MYRIP: variants seen among roughly 807,000 people sequenced by gnomAD.
The protein encoded by MYRIP is myosin VIIA and Rab interacting protein.
Under a neutral mutation model 98.0 loss-of-function variants are expected in MYRIP, and 49 were observed. The observed-to-expected ratio is 0.50, with a 90% CI of 0.40 to 0.63. The LOEUF is 0.63. MYRIP is among the 30% of genes least tolerant of loss of function. The probability of loss-of-function intolerance (pLI) is 0.00; values close to 1 mark genes in which losing one functional copy is unlikely to be tolerated. For synonymous variants in MYRIP, 404 were observed against 409.5 expected, an observed-to-expected ratio of 0.99 and a Z score of 0.16; for missense variants, 1,004 against 1,058.2, an observed-to-expected ratio of 0.95 and a Z score of 0.71.
At chr3:39,819,354 A>G (rs1276612683) in intron 1 of MYRIP, among the ~76,000 whole-genome samples, 1 of 152,152 alleles carries the variant, frequency 6.6e-6, no homozygotes, top group Non-Finnish European at 1.5e-5. Flanking sequence ...ATCTTAAAAA[A>G]AAAAAATTAC....
chr3:40,131,922 G>A (rs1283998693), intron 3 of MYRIP, among the ~76,000 whole-genome samples: 3 of 150,660 alleles, frequency 2.0e-5, no homozygotes, highest in Non-Finnish European at 4.4e-5. Context: ...CTTCTACCTT[G>A]TGAGAAGGGC....
At chr3:39,853,218 C>T (rs1337398352) in intron 1 of MYRIP, among the ~76,000 whole-genome samples, 1 of 152,142 alleles carries the variant, frequency 6.6e-6, no homozygotes, top group East Asian at 1.9e-4. Context: ...TATAAACATG[C>T]ATATCAAGTG....
intron 2 of MYRIP, among the ~76,000 whole-genome samples, chr3:40,011,567 C>T (rs1946760170): frequency 6.6e-6 from 1 of 152,174 alleles, no homozygotes; most frequent in African/African-American, 2.4e-5. Flanking sequence ...ACTGTTTGCC[C>T]AAATCCATTG....
rs893503793 is a variant in MYRIP at position 40,040,236 on chromosome 3, C to G, written c.111-3814C>G. The stretch of plus-strand genomic sequence containing the variant: ...AAAAAACACATGAAGAAATGCTCAT[C>G]ATCACTGGCCATCAGAGAAATGCAA... On this transcript the variant is annotated intron_variant, in intron 2 of 16. Coordinates refer to ENST00000302541, the MANE Select transcript of MYRIP (RefSeq NM_015460.4). Among the ~76,000 whole-genome samples the G allele has an allele frequency of 1.1e-4, 16 of 151,918 alleles. 1 individual carries two copies. The highest frequency in any genetic ancestry group is 3.1e-4 in the African/African-American group (13 of 41,426).
intron 3 of MYRIP, among the ~76,000 whole-genome samples, chr3:40,127,192 A>G (rs1949541370): frequency 6.6e-6 from 1 of 152,232 alleles, no homozygotes; most frequent in Admixed American, 6.5e-5. Context: ...AAGATTAAAT[A>G]GCTACCATTT....
intron 2 of MYRIP, among the ~76,000 whole-genome samples, chr3:40,015,441 C>T (rs537909682): frequency 2.0e-5 from 3 of 152,212 alleles, no homozygotes; most frequent in Non-Finnish European, 4.4e-5. Flanking sequence ...ACTTCAGGCT[C>T]ACCTTTCACA....
At chr3:39,914,188 A>G (rs1183929776) in intron 2 of MYRIP, among the ~76,000 whole-genome samples, 1 of 152,164 alleles carries the variant, frequency 6.6e-6, no homozygotes, top group African/African-American at 2.4e-5. Flanking sequence ...TTACAGTACA[A>G]TATCTTTAAC....
chr3:40,224,824 A>G (rs1344133062), intron 11 of MYRIP, among the ~76,000 whole-genome samples: 1 of 152,186 alleles, frequency 6.6e-6, no homozygotes, highest in African/African-American at 2.4e-5. Context: ...ACATATGCTA[A>G]TTTATTAAGT....
chr3:40,128,612 T>C (rs1052452085), intron 3 of MYRIP, among the ~76,000 whole-genome samples: 6 of 152,216 alleles, frequency 3.9e-5, no homozygotes, highest in Non-Finnish European at 5.9e-5. Flanking sequence ...TGGCGACACC[T>C]GGATTCCCCA....
At chr3:40,051,776 G>A (rs1947800018) in intron 3 of MYRIP, among the ~76,000 whole-genome samples, 1 of 152,110 alleles carries the variant, frequency 6.6e-6, no homozygotes, top group African/African-American at 2.4e-5. Context: ...CCTTGGAATT[G>A]AGTATTATTT....
At chr3:40,107,200 A>G (rs533435494) in intron 3 of MYRIP, among the ~76,000 whole-genome samples, 3 of 152,352 alleles carry the variant, frequency 2.0e-5, no homozygotes, top group African/African-American at 7.2e-5. Flanking sequence ...GGGACCAGGC[A>G]CCAGGCCAGG....
rs1007640087 is a variant in MYRIP, at chr3:40,084,726, C to T, written c.332+40455C>T. On this transcript the variant is annotated intron_variant, in intron 3 of 16. Transcript: ENST00000302541. ...ATAGATAATATGTATCTATGTATTA[C>T]ATGTCGATAGATAATATGTATCTAT... is the stretch of plus-strand genomic sequence containing the variant. Among the ~76,000 whole-genome samples, 9 of 147,020 alleles carry T rather than the reference C, an allele frequency of 6.1e-5. 1 individual carries two copies. The highest frequency in any genetic ancestry group is 1.8e-4 in the African/African-American group (7 of 39,994).
chr3:39,983,717 A>T (rs1207138969), intron 2 of MYRIP, among the ~76,000 whole-genome samples: 3 of 152,200 alleles, frequency 2.0e-5, no homozygotes, highest in African/African-American at 7.2e-5. Flanking sequence ...CTCATTATAG[A>T]TTACAAGGGC....
At chr3:40,249,324 G>C (rs1046763879) in intron 13 of MYRIP, among the ~76,000 whole-genome samples, 3 of 152,146 alleles carry the variant, frequency 2.0e-5, no homozygotes, top group Non-Finnish European at 4.4e-5. Flanking sequence ...CCCATACCGG[G>C]TGTTGGCACA....
chr3:39,981,628 T>C (rs1440883720), intron 2 of MYRIP, among the ~76,000 whole-genome samples: 1 of 152,220 alleles, frequency 6.6e-6, no homozygotes, highest in Non-Finnish European at 1.5e-5. Context: ...GACTCTCAGC[T>C]GTGATTCTTC....
chr3:40,013,078 G>T (rs1333883825), intron 2 of MYRIP, among the ~76,000 whole-genome samples: 1 of 152,074 alleles, frequency 6.6e-6, no homozygotes, highest in African/African-American at 2.4e-5. Context: ...GTTGCTATTT[G>T]CTGCAAGCTG....
At chr3:39,852,071 A>G (rs1211987595) in intron 1 of MYRIP, among the ~76,000 whole-genome samples, 1 of 152,156 alleles carries the variant, frequency 6.6e-6, no homozygotes, top group Non-Finnish European at 1.5e-5. Flanking sequence ...CACATGTGCT[A>G]TGAACCAAGC....
chr3:40,070,303 T>C (rs1328653258), intron 3 of MYRIP, among the ~76,000 whole-genome samples: 3 of 152,208 alleles, frequency 2.0e-5, no homozygotes. Flanking sequence ...GGCCTCATAG[T>C]ATTTCACAGG....
chr3:40,147,342 T>TCATCATTCCTCCTTCTA (rs1559420578), intron 3 of MYRIP, among the ~76,000 whole-genome samples: 8 of 152,236 alleles, frequency 5.3e-5, no homozygotes, highest in African/African-American at 1.7e-4. Flanking sequence ...TTAGCATCTC[T>TCATCATTCCTCCTTCTA]GAACTACCCT....
Sources: gnomAD v4.1 joint callset for allele counts (sites outside exome capture counted in the v4.1 genomes callset) on GRCh38, gnomAD v4.1.1 for gene constraint, MANE v1.5 for transcripts, NCBI Gene and HGNC (gene_info 2026-07-23, HGNC 2026-07-21) for gene names.